The following RBFOX1 variants were observed in gnomAD, a reference collection of about 807,000 sequenced individuals.
RBFOX1 encodes RNA binding protein fox-1 homolog 1.
In RBFOX1, 8 loss-of-function variants were observed where a neutral mutation model predicts 57.7. That is an observed-to-expected ratio of 0.14 (90% CI 0.08 to 0.25). The LOEUF is 0.25. Ranked by LOEUF, RBFOX1 falls within the 10% of genes least tolerant of loss-of-function variation. The pLI is 1.00. For missense variants in RBFOX1, 611 were observed against 548.5 expected, an observed-to-expected ratio of 1.11 and a Z score of -1.14; for synonymous variants, 326 against 222.4, an observed-to-expected ratio of 1.47 and a Z score of -4.15.
At chr16:5,757,834 C>T (rs575829332) in intron 3 of RBFOX1, among the ~76,000 whole-genome samples, 4 of 152,164 alleles carry the variant, frequency 2.6e-5, no homozygotes, top group Admixed American at 6.5e-5. Context: ...TTTCTGGGCT[C>T]ATGCTTCTAC....
chr16:6,323,217 G>A (rs1019732664), intron 2 of RBFOX1, among the ~76,000 whole-genome samples: 1 of 152,204 alleles, frequency 6.6e-6, no homozygotes, highest in African/African-American at 2.4e-5. Context: ...ATAAAGAATG[G>A]AAGTTACAAG....
intron 6 of RBFOX1, 98 bp from the exon 7 acceptor site, chr16:7,587,146 TAAA>T: frequency 7.8e-7 from 1 of 1,284,518 alleles, no homozygotes; most frequent in Non-Finnish European, 1.0e-6. Context: ...TCCTTGGTAT[TAAA>T]AGAGAAAAAA....
At chr16:6,736,188 A>G (rs1236311548) in intron 3 of RBFOX1, among the ~76,000 whole-genome samples, 1 of 151,926 alleles carries the variant, frequency 6.6e-6, no homozygotes, top group Non-Finnish European at 1.5e-5. Context: ...TTTAAATTTT[A>G]TTTTTCCATA....
chr16:6,258,986 A>T (rs2097685685), intron 1 of RBFOX1, among the ~76,000 whole-genome samples: 1 of 152,238 alleles, frequency 6.6e-6, no homozygotes, highest in Non-Finnish European at 1.5e-5. Context: ...ACATTAGATG[A>T]CTGATACAGA....
At chr16:7,419,940 T>C (rs2098524062) in intron 4 of RBFOX1, among the ~76,000 whole-genome samples, 1 of 111,678 alleles carries the variant, frequency 9.0e-6, no homozygotes, top group Non-Finnish European at 1.8e-5. Flanking sequence ...TTTTTTTTTT[T>C]TTTTAATTGT....
chr16:6,048,276 T>C (rs918296509), intron 1 of RBFOX1, among the ~76,000 whole-genome samples: 1 of 152,236 alleles, frequency 6.6e-6, no homozygotes, highest in African/African-American at 2.4e-5. Context: ...GACCTTTGTC[T>C]ATTACACATG....
At chr16:7,364,838 T>C (rs1231344331) in intron 4 of RBFOX1, among the ~76,000 whole-genome samples, 1 of 152,198 alleles carries the variant, frequency 6.6e-6, no homozygotes, top group Non-Finnish European at 1.5e-5. Context: ...ATACTTGTTT[T>C]TCTGCTTACT....
In RBFOX1 at chr16:6,897,438, C is replaced by A. The variant is rs147513763; in HGVS notation, c.-15-154619C>A. On this transcript the variant is annotated intron_variant, in intron 3 of 15. Coordinates refer to ENST00000550418, the MANE Select transcript of RBFOX1 (RefSeq NM_018723.4). Reference sequence around the variant, plus strand: ...AAGGAAACATTTGCATTGACTGGGGCATGTCCTGACACAGATTAAAACGTG... The same window carrying A: ...AAGGAAACATTTGCATTGACTGGGGAATGTCCTGACACAGATTAAAACGTG... Among the ~76,000 whole-genome samples, 851 of 152,150 alleles carry A rather than the reference C, an allele frequency of 5.6e-3. 8 individuals carry two copies. The highest frequency in any genetic ancestry group is 0.019 in the African/African-American group (797 of 41,520).
At chr16:6,450,801 GTATATA>G (rs1186562440) in intron 2 of RBFOX1, among the ~76,000 whole-genome samples, 1 of 16,458 alleles carries the variant, frequency 6.1e-5, no homozygotes, top group Non-Finnish European at 1.2e-4. Flanking sequence ...ATATATATAT[GTATATA>G]TATATATATA....
intron 3 of RBFOX1, among the ~76,000 whole-genome samples, chr16:6,843,120 G>A (rs2093576968): frequency 6.6e-6 from 1 of 152,058 alleles, no homozygotes; most frequent in South Asian, 2.1e-4. Context: ...GTTTCTTATT[G>A]TTGTTGTTTT....
intron 3 of RBFOX1, among the ~76,000 whole-genome samples, chr16:5,728,986 C>T (rs546574949): frequency 1.1e-4 from 16 of 152,224 alleles, no homozygotes; most frequent in Non-Finnish European, 1.9e-4. Flanking sequence ...GCCCTGGCTC[C>T]TGTCAAATGT....
intron 4 of RBFOX1, among the ~76,000 whole-genome samples, chr16:7,454,085 T>G (rs2057979110): frequency 6.6e-6 from 1 of 152,040 alleles, no homozygotes; most frequent in South Asian, 2.1e-4. Flanking sequence ...ATACAAAAAT[T>G]AGCTGAGTGT....
chr16:6,430,850 G>A (rs1282976331), intron 2 of RBFOX1, among the ~76,000 whole-genome samples: 1 of 151,790 alleles, frequency 6.6e-6, no homozygotes, highest in Admixed American at 6.6e-5. Flanking sequence ...AGTTACTGTG[G>A]TCAGGAACAG....
At chr16:7,137,508 T>A (rs751133261) in intron 4 of RBFOX1, among the ~76,000 whole-genome samples, 5 of 152,196 alleles carry the variant, frequency 3.3e-5, no homozygotes, top group Non-Finnish European at 7.3e-5. Flanking sequence ...GGAGTACCTT[T>A]CACCTTCCGC....
chr16:6,297,945 A>T (rs1055197467), intron 1 of RBFOX1, among the ~76,000 whole-genome samples: 1 of 152,210 alleles, frequency 6.6e-6, no homozygotes, highest in African/African-American at 2.4e-5. Flanking sequence ...AAACACCTGC[A>T]TTCACTATCC....
intron 3 of RBFOX1, among the ~76,000 whole-genome samples, chr16:6,720,079 G>C (rs2065675364): frequency 6.6e-6 from 1 of 152,004 alleles, no homozygotes; most frequent in Non-Finnish European, 1.5e-5. Context: ...GGGCGACAGT[G>C]TGAGACTCCA....
intron 1 of RBFOX1, among the ~76,000 whole-genome samples, chr16:6,062,774 C>A (rs1240265144): frequency 6.6e-6 from 1 of 151,800 alleles, no homozygotes; most frequent in Non-Finnish European, 1.5e-5. Context: ...GAGATATTTA[C>A]TCTTAGGAAT....
In RBFOX1 at chr16:7,334,180, A is replaced by C. The variant is rs781317648; in HGVS notation, c.28-183967A>C. Reference sequence around the variant, plus strand: ...TAAGTGTACGAACCTGGGTGATTAGAGTCATCTGGGGGTGATTCCAAGTCA... The same window carrying C: ...TAAGTGTACGAACCTGGGTGATTAGCGTCATCTGGGGGTGATTCCAAGTCA... On this transcript the variant is annotated intron_variant, in intron 4 of 15. Coordinates refer to ENST00000550418, the MANE Select transcript of RBFOX1 (RefSeq NM_018723.4). 2.6e-5 allele frequency among the ~76,000 whole-genome samples: 4 copies of C among 152,112 alleles called. No homozygotes were observed. The East Asian group carries it at 7.7e-4, about 29-fold the overall frequency.
At chr16:6,735,795 C>G (rs1452642303) in intron 3 of RBFOX1, among the ~76,000 whole-genome samples, 4 of 152,182 alleles carry the variant, frequency 2.6e-5, no homozygotes, top group African/African-American at 7.2e-5. Flanking sequence ...TCCTCTCCCC[C>G]TGTGAAGAAC....
Sources: allele counts gnomAD v4.1 joint callset (sites outside exome capture counted in the v4.1 genomes callset), GRCh38; gene constraint gnomAD v4.1.1; transcripts MANE v1.5; gene names NCBI Gene and HGNC (gene_info 2026-07-23, HGNC 2026-07-21).